PTPRN2: variants seen among roughly 807,000 people sequenced by gnomAD.
PTPRN2 encodes the protein receptor-type tyrosine-protein phosphatase N2.
A neutral mutation model predicts 118.8 loss-of-function variants in PTPRN2; 74 were observed. The observed-to-expected ratio is 0.62, with a 90% confidence interval of 0.52 to 0.76. The LOEUF is 0.76. Among genes scored for constraint, PTPRN2 ranks in the 30% least tolerant of loss-of-function variants. PTPRN2 has a pLI of 0.00. For missense variants in PTPRN2, 1,481 were observed against 1,394.4 expected (o/e 1.06, Z -0.99); for synonymous variants, 641 against 608.0 (o/e 1.05, Z -0.80).
At chr7:158,239,731 G>A (rs1049600028) in intron 3 of PTPRN2, among the ~76,000 whole-genome samples, 3 of 152,192 alleles carry the variant, frequency 2.0e-5, no homozygotes, top group Admixed American at 6.5e-5. Flanking sequence ...ATCAAGCAAC[G>A]CTGCACTTCC....
In PTPRN2 at chr7:157,753,809, C is replaced by T. The variant is rs1366935895; in HGVS notation, c.1789-70872G>A. On this transcript the variant is annotated intron_variant, in intron 12 of 22. Transcript: ENST00000389418. ...TCCCTGCTCTCCTGGCATCTGCAACCGTGCCCTGCCCACCTCCCCATCCCC... is the reference window on the plus strand; with the variant it reads ...TCCCTGCTCTCCTGGCATCTGCAACTGTGCCCTGCCCACCTCCCCATCCCC... Among the ~76,000 whole-genome samples the T allele has an allele frequency of 5.3e-5, 8 of 152,320 alleles. No individual in the cohort carries two copies. In the South Asian group the frequency reaches 6.2e-4, roughly 12 times the overall value.
rs1554528221 is a variant in PTPRN2, at chr7:158,071,297, C to CGTAGTATGGAGGTGCCCGTG, written c.1723+10000_1723+10001insCACGGGCACCTCCATACTAC. ...AGGTGCCCGTGGTGGTGGAGGTGCT[C>CGTAGTATGGAGGTGCCCGTG]GTGGTGGAGGTGCCCATGGTAGTGG... On this transcript the variant is annotated intron_variant, in intron 11 of 22. Transcript: ENST00000389418. 2.1e-3 allele frequency among the ~76,000 whole-genome samples: 125 copies of CGTAGTATGGAGGTGCCCGTG among 60,644 alleles called. 18 individuals carry two copies. Among genetic ancestry groups the CGTAGTATGGAGGTGCCCGTG allele is most frequent in the African/African-American group, 0.011 (122 of 11,488 alleles). The allele number at this position is 60,644 out of a possible 152,430, so 39.8% of individuals were successfully genotyped here. A position where few individuals can be genotyped will look rare whatever the true frequency, so the allele number is the denominator to read the frequency against.
intron 13 of PTPRN2, among the ~76,000 whole-genome samples, chr7:157,665,399 G>A (rs1430623306): frequency 6.6e-6 from 1 of 152,224 alleles, no homozygotes; most frequent in Non-Finnish European, 1.5e-5. Flanking sequence ...AAAGGTAGAT[G>A]TAACCACATA....
intron 3 of PTPRN2, among the ~76,000 whole-genome samples, chr7:158,304,012 A>C (rs1158213971): frequency 1.3e-5 from 2 of 152,290 alleles, no homozygotes; most frequent in African/African-American, 4.8e-5. Context: ...GGCATAAGAC[A>C]TCCAACAATA....
At chr7:157,680,772 A>G (rs1726067898) in intron 13 of PTPRN2, among the ~76,000 whole-genome samples, 1 of 152,238 alleles carries the variant, frequency 6.6e-6, no homozygotes, top group Non-Finnish European at 1.5e-5. Flanking sequence ...TTTCATTTCC[A>G]AATTTTCCTA....
At chr7:158,373,708 G>C (rs563599645) in intron 2 of PTPRN2, among the ~76,000 whole-genome samples, 1 of 152,286 alleles carries the variant, frequency 6.6e-6, no homozygotes, top group East Asian at 1.9e-4. Flanking sequence ...CCCACCGGAT[G>C]AAAGTTGAAG....
At chr7:158,079,086 G>A (rs969437564) in intron 11 of PTPRN2, among the ~76,000 whole-genome samples, 24 of 152,168 alleles carry the variant, frequency 1.6e-4, no homozygotes, top group African/African-American at 4.1e-4. Context: ...CAAGTGACCC[G>A]CCCACCTTGG....
At chr7:157,662,886 GGGTCTGAA>G (rs1795962944) in intron 13 of PTPRN2, among the ~76,000 whole-genome samples, 1 of 152,158 alleles carries the variant, frequency 6.6e-6, no homozygotes, top group Non-Finnish European at 1.5e-5. Context: ...TGTGCATGCA[GGGTCTGAA>G]GGGAAGGCCT....
In PTPRN2 at chr7:158,402,170, G is replaced by A. The variant is rs76333948; in HGVS notation, c.164-85238C>T. ...GAGAACCCCGGAGGACAGCCCGGTG[G>A]GAGAGTGGCTCACAACAAGTCCACA... On this transcript the variant is annotated intron_variant, in intron 2 of 22. Transcript: ENST00000389418. Among the ~76,000 whole-genome samples the A allele has an allele frequency of 4.5e-3, 691 of 152,262 alleles. 5 individuals carry two copies. The highest frequency in any genetic ancestry group is 0.016 in the African/African-American group (665 of 41,530).
In PTPRN2 at chr7:158,574,162, A is replaced by G. The variant is rs890077328; in HGVS notation, c.112+13396T>C. Among the ~76,000 whole-genome samples, 8 of 152,220 alleles carry G rather than the reference A, an allele frequency of 5.3e-5. No individual in the cohort carries two copies. Among genetic ancestry groups the G allele is most frequent in the African/African-American group, 1.9e-4 (8 of 41,454 alleles). On this transcript the variant is annotated intron_variant, in intron 1 of 22. Coordinates refer to ENST00000389418, the MANE Select transcript of PTPRN2 (RefSeq NM_002847.5). The surrounding 1 kb of genome is among the most constrained non-coding windows in gnomAD (Gnocchi z 4.6). ...ATGCATATTTTCAGTAGTGATGAGC[A>G]CTGTTCTCAGCATATATTGTGCATC...
chr7:157,740,911 G>T (rs1279623243), intron 12 of PTPRN2, among the ~76,000 whole-genome samples: 2 of 152,164 alleles, frequency 1.3e-5, no homozygotes. Flanking sequence ...CTGAGCAAGG[G>T]CCAAAATATT....
intron 2 of PTPRN2, among the ~76,000 whole-genome samples, chr7:158,387,449 CTT>C (rs1811495554): frequency 3.2e-4 from 3 of 9,426 alleles, no homozygotes; most frequent in Admixed American, 2.3e-3. Context: ...AAAGACAACT[CTT>C]GTTTTGTAAG....
chr7:158,094,201 GA>G (rs1814434806), intron 10 of PTPRN2, among the ~76,000 whole-genome samples: 1 of 152,218 alleles, frequency 6.6e-6, no homozygotes, highest in Non-Finnish European at 1.5e-5. Flanking sequence ...AGTCCCAAGA[GA>G]AGACCCTTGT....
rs1802834763 is a variant in PTPRN2, at chr7:157,977,455, C to T, written c.1724-78718G>A. On this transcript the variant is annotated intron_variant, in intron 11 of 22. Transcript: ENST00000389418. This position sits in a 1 kb window ranked among gnomAD's most constrained non-coding sequence, Gnocchi z 4.6. ...GATACTCAAGCTGATGCCTGAATGC[C>T]AAGAGCCACCTGGGCAAATGTGGGA... Among the ~76,000 whole-genome samples the T allele has an allele frequency of 6.6e-6, 1 of 151,910 alleles. No individual in the cohort carries two copies. Among genetic ancestry groups the T allele is most frequent in the Non-Finnish European group, 1.5e-5 (1 of 67,948 alleles).
At chr7:157,599,040 C>T (rs1042150799) in intron 16 of PTPRN2, among the ~76,000 whole-genome samples, 3 of 151,328 alleles carry the variant, frequency 2.0e-5, no homozygotes, top group Admixed American at 6.6e-5. Flanking sequence ...GATGGAGCCT[C>T]ACCCTGTCAT....
intron 14 of PTPRN2, among the ~76,000 whole-genome samples, chr7:157,643,767 C>T (rs1804853457): frequency 6.6e-6 from 1 of 152,242 alleles, no homozygotes; most frequent in Non-Finnish European, 1.5e-5. Context: ...GAAGTGTGAG[C>T]TGAGCTCTAG....
intron 12 of PTPRN2, among the ~76,000 whole-genome samples, chr7:157,853,795 A>G (rs531811983): frequency 6.6e-6 from 1 of 152,300 alleles, no homozygotes; most frequent in Non-Finnish European, 1.5e-5. Context: ...CCCTAAGCCC[A>G]GTACCTGTGG....
rs184647436 is a variant in PTPRN2, at chr7:157,828,381, C to T, written c.1788+70292G>A. Reference sequence around the variant, plus strand: ...CAGAGCCCATGGACGGAACAGCGATCGGATACAAGACTTGCCCCCACTTCC... The same window carrying T: ...CAGAGCCCATGGACGGAACAGCGATTGGATACAAGACTTGCCCCCACTTCC... On this transcript the variant is annotated intron_variant, in intron 12 of 22. Coordinates refer to ENST00000389418, the MANE Select transcript of PTPRN2 (RefSeq NM_002847.5). Among the ~76,000 whole-genome samples the T allele has an allele frequency of 2.0e-3, 304 of 152,312 alleles. 6 individuals are homozygous for T. The highest frequency in any genetic ancestry group is 0.019 in the Admixed American group (295 of 15,296).
chr7:158,537,057 G>T (rs765405588), intron 1 of PTPRN2, among the ~76,000 whole-genome samples: 7 of 152,158 alleles, frequency 4.6e-5, no homozygotes, highest in Non-Finnish European at 1.0e-4. Context: ...AGACTCAGGA[G>T]CCCACCCTCT....
Sources: gnomAD v4.1 joint callset for allele counts (sites outside exome capture counted in the v4.1 genomes callset) on GRCh38, gnomAD v4.1.1 for gene constraint, Gnocchi (gnomAD v3.1) non-coding constraint, MANE v1.5 for transcripts, NCBI Gene and HGNC (gene_info 2026-07-23, HGNC 2026-07-21) for gene names.